The following SDSL variants were observed in gnomAD, a reference collection of about 807,000 sequenced individuals.
The protein encoded by SDSL is serine dehydratase like.
Under a neutral mutation model 27.6 loss-of-function variants are expected in SDSL, and 26 were observed. The ratio of observed to expected loss-of-function variants is 0.94; its 90% confidence interval spans 0.69 to 1.31. SDSL has a LOEUF of 1.31. Among genes scored for constraint, SDSL ranks in the 50% most tolerant of loss-of-function variants. The probability of loss-of-function intolerance (pLI) is 0.00; values close to 1 mark genes in which losing one functional copy is unlikely to be tolerated. For missense variants in SDSL, 431 were observed against 423.5 expected (o/e 1.02, Z -0.16); for synonymous variants, 196 against 180.6 (o/e 1.09, Z -0.69).
intron 1 of SDSL, among the ~76,000 whole-genome samples, chr12:113,423,303 C>T (rs534520462): frequency 1.7e-4 from 26 of 152,326 alleles, no homozygotes; most frequent in Admixed American, 2.6e-4. Context: ...AGTATAGCAT[C>T]GCGGTTAATA....
chr12:113,428,975 G>A (rs1307550516), intron 3 of SDSL, among the ~76,000 whole-genome samples, 185 bp from the exon 4 acceptor site: 1 of 151,980 alleles, frequency 6.6e-6, no homozygotes, highest in Admixed American at 6.6e-5. Context: ...CCAATCATGG[G>A]TTGGGGGATT....
rs1351023181 is a variant in SDSL, at chr12:113,436,790, G to T, written c.711G>T (p.Arg237=). The T allele has an allele frequency of 2.5e-6, 4 of 1,611,404 alleles. No individual in the cohort carries two copies. Among genetic ancestry groups the T allele is most frequent in the South Asian group, 1.1e-5 (1 of 90,832 alleles). Residue 237 remains arginine, a synonymous_variant, in exon 7 of 8, where the codon CGG becomes CGT. Coordinates refer to ENST00000403593, the MANE Select transcript of SDSL (RefSeq NM_001304993.2). Reference sequence around the variant, plus strand: ...TGGGTGCCAAGACGGTGGCCGCTCGGGCCCTGGAGTGCATGCAGGTGTGCA... The same window carrying T: ...TGGGTGCCAAGACGGTGGCCGCTCGTGCCCTGGAGTGCATGCAGGTGTGCA... The part of the protein sequence containing the change: ...KSLGAKTVAA[R]ALECMQVCKI...
At chr12:113,437,414 G>A (rs1958010652) in intron 7 of SDSL, among the ~76,000 whole-genome samples, 1 of 152,182 alleles carries the variant, frequency 6.6e-6, no homozygotes, top group African/African-American at 2.4e-5. Context: ...GTGGAAAGGT[G>A]GGTAATGGAT....
rs1957873510 is a variant in SDSL, at chr12:113,428,158, T to G, written c.174+2T>G. The G allele has an allele frequency of 6.2e-7, 1 of 1,602,048 alleles. No homozygotes were observed. The highest frequency in any genetic ancestry group is 8.5e-7 in the Non-Finnish European group (1 of 1,175,202). On this transcript the variant is annotated splice_donor_variant, in intron 2 of 7. Coordinates refer to ENST00000403593, the MANE Select transcript of SDSL (RefSeq NM_001304993.2). LOFTEE classifies it high-confidence loss of function. ...GGCATTGGGCATTTCTGCCAGGAGG[T>G]GAGGGTGTGTGGGAAGGAGGGGAGA...
intron 4 of SDSL, 66 bp from the exon 5 acceptor site, chr12:113,434,068 C>A (rs888509464): frequency 8.3e-5 from 110 of 1,325,832 alleles, no homozygotes; most frequent in Non-Finnish European, 1.2e-4. Flanking sequence ...AGATCCTGGG[C>A]CTCTGCTCCG....
At chr12:113,434,066 G>C in intron 4 of SDSL, 68 bp from the exon 5 acceptor site, 1 of 1,305,016 alleles carries the variant, frequency 7.7e-7, no homozygotes, top group Non-Finnish European at 1.1e-6. Flanking sequence ...GGAGATCCTG[G>C]GCCTCTGCTC....
intron 6 of SDSL, 51 bp downstream of exon 6, chr12:113,435,607 T>G (rs962840470): frequency 6.7e-7 from 1 of 1,496,328 alleles, no homozygotes; most frequent in African/African-American, 1.4e-5. Context: ...GGTGTGCCAC[T>G]GTCCTAGGGC....
chr12:113,429,441 G>T, intron 4 of SDSL, 142 bp downstream of exon 4: 1 of 952,556 alleles, frequency 1.0e-6, no homozygotes, highest in Non-Finnish European at 1.6e-6. Flanking sequence ...TGAGCTGAGG[G>T]GGGAATGAGG....
chr12:113,428,881 G>A (rs1459196419), intron 3 of SDSL, among the ~76,000 whole-genome samples: 1 of 151,640 alleles, frequency 6.6e-6, no homozygotes, highest in Non-Finnish European at 1.5e-5. Context: ...AGGGAAAAGG[G>A]AGCACCCCTT....
intron 1 of SDSL, chr12:113,426,144 C>T: frequency 2.2e-6 from 1 of 455,930 alleles, no homozygotes; most frequent in Non-Finnish European, 4.4e-6. Flanking sequence ...CACCCCCTAC[C>T]CTCACCTCCT....
At chr12:113,429,133 A>G (rs1957887178) in intron 3 of SDSL, 27 bp from the exon 4 acceptor site, 3 of 1,601,520 alleles carry the variant, frequency 1.9e-6, no homozygotes, top group Admixed American at 1.7e-5. Flanking sequence ...AGCTCTGCCC[A>G]CTGCCCCTTT....
rs776307371 is a variant in SDSL, at chr12:113,428,141, G to T, written c.159G>T (p.Gly53=). 1.9e-6 allele frequency: 3 copies of T among 1,611,430 alleles called. No homozygotes were observed. In the African/African-American group the frequency reaches 4.0e-5, roughly 22 times the overall value. The change falls in exon 2 of 8, where the codon GGG becomes GGT. Residue 53 remains glycine, a synonymous_variant. Coordinates refer to ENST00000403593, the MANE Select transcript of SDSL (RefSeq NM_001304993.2). ...PSGSFKIRGI[G]HFCQEMAKKG... ...GCTCCTTCAAGATTCGGGGCATTGG[G>T]CATTTCTGCCAGGAGGTGAGGGTGT... is the stretch of plus-strand genomic sequence containing the variant.
At chr12:113,426,860 G>A (rs530988337) in intron 1 of SDSL, among the ~76,000 whole-genome samples, 2 of 152,292 alleles carry the variant, frequency 1.3e-5, no homozygotes, top group South Asian at 4.1e-4. Context: ...GACTGCTTGA[G>A]CCTGAGAGGT....
intron 4 of SDSL, among the ~76,000 whole-genome samples, chr12:113,430,604 G>C (rs771839640): frequency 2.0e-5 from 3 of 152,192 alleles, no homozygotes; most frequent in African/African-American, 7.2e-5. Context: ...AACGCATGAC[G>C]GCTCTTAAGA....
chr12:113,435,198 G>A (rs1209502853), intron 5 of SDSL, 131 bp from the exon 6 acceptor site: 1 of 558,556 alleles, frequency 1.8e-6, no homozygotes, highest in Admixed American at 3.4e-5. Flanking sequence ...GGATGGGATG[G>A]GGATGGTGGG....
At position 113,438,090 on chromosome 12, in the gene SDSL, C is replaced by G; in HGVS notation, c.*11C>G. 1 of 1,608,580 alleles carries G rather than the reference C, an allele frequency of 6.2e-7. No individual in the cohort carries two copies. The highest frequency in any genetic ancestry group is 8.5e-7 in the Non-Finnish European group (1 of 1,177,224). ...CTGGGCCAGGTCTGAGGGGTCCCATCCTGGCCCCAAAGACCCCTGAGAGGC... is the reference window on the plus strand; with the variant it reads ...CTGGGCCAGGTCTGAGGGGTCCCATGCTGGCCCCAAAGACCCCTGAGAGGC... On this transcript the variant is annotated 3_prime_UTR_variant, in exon 8 of 8. Transcript: ENST00000403593.
intron 2 of SDSL, 128 bp downstream of exon 2, chr12:113,428,284 G>A (rs879704548): frequency 7.6e-6 from 10 of 1,309,636 alleles, no homozygotes; most frequent in Non-Finnish European, 9.6e-6. Flanking sequence ...GAGGGGAAAG[G>A]TAAGGGCAGG....
At position 113,437,984 on chromosome 12, in the gene SDSL, C is replaced by T. The variant is rs760873629; in HGVS notation, c.895C>T (p.Pro299Ser). The T allele has an allele frequency of 1.9e-6, 3 of 1,614,190 alleles. No homozygotes were observed. Among genetic ancestry groups the T allele is most frequent in the Admixed American group, 1.7e-5 (1 of 60,028 alleles). Reference protein sequence around the residue: ...RRLQAEGCLPPSLTSVVVIVC... With the variant: ...RRLQAEGCLPSSLTSVVVIVC... ...GCTCCAGGCCGAGGGCTGCCTGCCCCCTTCCCTGACTTCAGTTGTGGTAAT... is the reference window on the plus strand; with the variant it reads ...GCTCCAGGCCGAGGGCTGCCTGCCCTCTTCCCTGACTTCAGTTGTGGTAAT... Residue 299 changes from proline (P) to serine (S), a missense_variant, in exon 8 of 8, where the codon CCT (proline) becomes TCT (serine). Physicochemically the swap from Pro to Ser is moderately conservative, Grantham distance 74. Coordinates refer to ENST00000403593, the MANE Select transcript of SDSL (RefSeq NM_001304993.2).
chr12:113,437,268 A>G (rs1958008819), intron 7 of SDSL, among the ~76,000 whole-genome samples: 1 of 152,096 alleles, frequency 6.6e-6, no homozygotes, highest in African/African-American at 2.4e-5. Flanking sequence ...ATCCCTCTAC[A>G]TCACTGATGT....
Sources: gnomAD v4.1 joint callset for allele counts (sites outside exome capture counted in the v4.1 genomes callset) on GRCh38, gnomAD v4.1.1 for gene constraint, MANE v1.5 for transcripts, NCBI Gene and HGNC (gene_info 2026-07-23, HGNC 2026-07-21) for gene names.